USP54: variants seen among roughly 807,000 people sequenced by gnomAD.
USP54 encodes the protein ubiquitin carboxyl-terminal hydrolase 54.
In USP54, 87 loss-of-function variants were observed where a neutral mutation model predicts 170.5. The ratio of observed to expected loss-of-function variants is 0.51; its 90% CI spans 0.43 to 0.61. The LOEUF is 0.61. Ranked by LOEUF, USP54 falls within the 20% of genes least tolerant of loss-of-function variation. USP54 has a pLI of 0.00. For synonymous variants in USP54, 655 were observed against 742.8 expected, an observed-to-expected ratio of 0.88 and a Z score of 1.92; for missense variants, 1,786 against 2,047.8, an observed-to-expected ratio of 0.87 and a Z score of 2.47.
chr10:73,550,078 T>G (rs1423393647), intron 4 of USP54, among the ~76,000 whole-genome samples: 1 of 152,118 alleles, frequency 6.6e-6, no homozygotes, highest in Non-Finnish European at 1.5e-5. Context: ...TATGTGCCAC[T>G]ACACCCGGCT....
At chr10:73,509,451 A>C (rs1246379199) in intron 20 of USP54, among the ~76,000 whole-genome samples, 1 of 151,106 alleles carries the variant, frequency 6.6e-6, no homozygotes, top group African/African-American at 2.4e-5. Flanking sequence ...AAAAAAAAAA[A>C]AAAAACAACA....
chr10:73,512,327 TG>T (rs974063892), intron 20 of USP54, among the ~76,000 whole-genome samples: 11 of 152,138 alleles, frequency 7.2e-5, no homozygotes, highest in South Asian at 2.1e-4. Context: ...TTTGTAGAGA[TG>T]GGGATCTTAC....
intron 15 of USP54, among the ~76,000 whole-genome samples, chr10:73,527,498 CAAAAAAA>C (rs931778033): frequency 1.3e-4 from 7 of 52,144 alleles, no homozygotes; most frequent in Non-Finnish European, 2.0e-4. Flanking sequence ...CACTCCATCT[CAAAAAAA>C]AAAAAAAAAA....
intron 1 of USP54, among the ~76,000 whole-genome samples, chr10:73,597,564 C>G (rs1467076318): frequency 6.6e-6 from 1 of 152,192 alleles, no homozygotes; most frequent in African/African-American, 2.4e-5. Flanking sequence ...GCAATCAACA[C>G]TCCCCACTCT....
At chr10:73,545,904 A>T (rs1192960683) in intron 4 of USP54, among the ~76,000 whole-genome samples, 1 of 152,162 alleles carries the variant, frequency 6.6e-6, no homozygotes, top group Non-Finnish European at 1.5e-5. Flanking sequence ...GATGCCAAGG[A>T]CACATTAGGA....
chr10:73,603,797 A>G (rs2079397236), intron 1 of USP54, among the ~76,000 whole-genome samples: 1 of 151,972 alleles, frequency 6.6e-6, no homozygotes, highest in African/African-American at 2.4e-5. Context: ...ACAACAAAAT[A>G]CAATTAAAAA....
intron 20 of USP54, among the ~76,000 whole-genome samples, chr10:73,511,815 T>C (rs2060261961): frequency 6.6e-6 from 1 of 150,738 alleles, no homozygotes; most frequent in South Asian, 2.1e-4. Context: ...TGATCTCGGC[T>C]CACTGCAACC....
At chr10:73,592,881 T>A (rs2078387839), upstream of USP54, among the ~76,000 whole-genome samples, 1 of 152,216 alleles carries the variant, frequency 6.6e-6, no homozygotes, top group Non-Finnish European at 1.5e-5. Flanking sequence ...AAAACTCTGC[T>A]ATGATACTCA....
chr10:73,571,638 A>C, intron 3 of USP54, 125 bp from the exon 4 acceptor site: 1 of 636,532 alleles, frequency 1.6e-6, no homozygotes, highest in Non-Finnish European at 2.6e-6. Context: ...AGAAAACTTC[A>C]TTCTAGTATA....
chr10:73,581,213 C>G (rs192355648), intron 1 of USP54, among the ~76,000 whole-genome samples: 4 of 152,290 alleles, frequency 2.6e-5, no homozygotes, highest in Admixed American at 6.5e-5. Context: ...TCACTTGAGG[C>G]CTGGAGTTCG....
chr10:73,517,158 C>G lies in USP54; in HGVS notation c.3268G>C (p.Val1090Leu). 6.2e-7 allele frequency: 1 copy of G among 1,614,160 alleles called. No individual in the cohort carries two copies. Among genetic ancestry groups the G allele is most frequent in the South Asian group, 1.1e-5 (1 of 91,078 alleles). ...TGGAGGCATTGGTTAGTTTTCTGCA[C>G]AGGATCAGGACAGTGAAGCACAAAT... Reference protein sequence around the residue: ...SSFVLHCPDPVQKTNQCLQGQ... With the variant: ...SSFVLHCPDPLQKTNQCLQGQ... The change falls in exon 20 of 24, where the codon GTG becomes CTG. Residue 1090 changes from valine (V) to leucine (L), a missense_variant. Val to Leu is a conservative substitution (Grantham distance 32, BLOSUM62 1). Transcript: ENST00000687698.
intron 1 of USP54, among the ~76,000 whole-genome samples, chr10:73,587,167 A>G (rs1270567461): frequency 2.0e-5 from 3 of 152,112 alleles, no homozygotes; most frequent in African/African-American, 7.2e-5. Context: ...GAAAGAACAT[A>G]GTGGTTAAAA....
chr10:73,618,514 G>A (rs1335074603), intron 1 of USP54, among the ~76,000 whole-genome samples: 4 of 149,048 alleles, frequency 2.7e-5, no homozygotes, highest in South Asian at 2.1e-4. Flanking sequence ...AGGATGAGGC[G>A]GGGTGGATCA....
chr10:73,570,488 T>C (rs576409274), intron 4 of USP54, among the ~76,000 whole-genome samples: 4 of 150,290 alleles, frequency 2.7e-5, no homozygotes, highest in Non-Finnish European at 5.9e-5. Context: ...CTTTTAAGTG[T>C]GGTAATGGGA....
chr10:73,509,271 A>G (rs901487858), intron 20 of USP54, among the ~76,000 whole-genome samples: 24 of 151,666 alleles, frequency 1.6e-4, no homozygotes, highest in Admixed American at 7.9e-4. Context: ...ATTATTGTTA[A>G]TTTTTTAGGT....
intron 20 of USP54, among the ~76,000 whole-genome samples, chr10:73,509,617 T>C (rs1167990838): frequency 1.4e-5 from 2 of 140,624 alleles, no homozygotes; most frequent in South Asian, 4.6e-4. Flanking sequence ...TCCGTCTCAT[T>C]AAAAAAAAAA....
At chr10:73,623,258 C>T (rs928516714) in intron 1 of USP54, among the ~76,000 whole-genome samples, 1 of 152,128 alleles carries the variant, frequency 6.6e-6, no homozygotes, top group Non-Finnish European at 1.5e-5. Context: ...TGGTTGCATG[C>T]ACCTGTGGTC....
Position 73,517,396 on chromosome 10 carries a change from G to A in USP54, c.3030C>T (p.Ser1010=). Residue 1010 remains serine, a synonymous_variant, in exon 20 of 24, where the codon AGC becomes AGT. Transcript: ENST00000687698. ...CTCTTCCTTCTTGTGGAGGGAGCTT[G>A]CTGCAACTGCTGTTGTCACACCTAG... The part of the protein sequence containing the change: ...QGSRCDNSSC[S]KLPPQEGRGI... The A allele has an allele frequency of 6.2e-7, 1 of 1,613,930 alleles. No individual in the cohort carries two copies. Among genetic ancestry groups the A allele is most frequent in the Non-Finnish European group, 8.5e-7 (1 of 1,179,912 alleles).
chr10:73,582,420 C>T (rs2077003899), intron 1 of USP54, among the ~76,000 whole-genome samples: 1 of 151,242 alleles, frequency 6.6e-6, no homozygotes, highest in Non-Finnish European at 1.5e-5. Context: ...GAGTCTCGCT[C>T]TGTCACCCAG....
Sources: gnomAD v4.1 joint callset for allele counts (sites outside exome capture counted in the v4.1 genomes callset) on GRCh38, gnomAD v4.1.1 for gene constraint, MANE v1.5 for transcripts, NCBI Gene and HGNC (gene_info 2026-07-23, HGNC 2026-07-21) for gene names.